LCORL: variants seen among roughly 807,000 people sequenced by gnomAD.
LCORL encodes the protein ligand-dependent nuclear receptor corepressor-like protein.
In LCORL, 41 loss-of-function variants were observed where a neutral mutation model predicts 141.8. The observed-to-expected ratio is 0.29, with a 90% confidence interval of 0.23 to 0.38. LCORL has a LOEUF of 0.38. LCORL is among the 10% of genes least tolerant of loss of function. The probability of loss-of-function intolerance (pLI) is 1.00; values close to 1 mark genes in which losing one functional copy is unlikely to be tolerated. For missense variants in LCORL, 1,759 were observed against 2,035.0 expected (o/e 0.86, Z 2.61); for synonymous variants, 618 against 694.1 (o/e 0.89, Z 1.72).
chr4:17,937,798 C>T (rs1737110678), intron 4 of LCORL, among the ~76,000 whole-genome samples: 1 of 152,022 alleles, frequency 6.6e-6, no homozygotes, highest in Non-Finnish European at 1.5e-5. Context: ...CAAACAAAAA[C>T]AGGAACTAAA....
chr4:17,890,063 T>C (rs1216467305), intron 5 of LCORL, among the ~76,000 whole-genome samples: 1 of 152,082 alleles, frequency 6.6e-6, no homozygotes, highest in African/African-American at 2.4e-5. Context: ...TACACTGTAA[T>C]TTATTCCCCA....
chr4:17,845,969 G>T (rs930184475), intron 7 of LCORL, 68 bp from the exon 8 acceptor site: 1 of 1,324,102 alleles, frequency 7.6e-7, no homozygotes, highest in Non-Finnish European at 1.1e-6. Context: ...CCTTGTAAAA[G>T]AACATTTAGT....
At chr4:18,003,132 A>G (rs16896239) in intron 1 of LCORL, among the ~76,000 whole-genome samples, 2,004 of 152,288 alleles carry the variant, frequency 0.013, 40 homozygotes, top group African/African-American at 0.045. Flanking sequence ...GAATATATCC[A>G]TATCTCCGTG....
At chr4:17,980,426 G>A (rs1717760772) in intron 1 of LCORL, among the ~76,000 whole-genome samples, 1 of 152,114 alleles carries the variant, frequency 6.6e-6, no homozygotes, top group Non-Finnish European at 1.5e-5. Context: ...ACAGCTTAAC[G>A]TAAAGACAAT....
At chr4:17,915,142 G>C (rs528381555) in intron 4 of LCORL, among the ~76,000 whole-genome samples, 1 of 150,058 alleles carries the variant, frequency 6.7e-6, no homozygotes, top group South Asian at 2.1e-4. Context: ...CCCTTCATTT[G>C]TCTATCCCTT....
chr4:17,879,529 T>C (rs1727292120), intron 6 of LCORL, among the ~76,000 whole-genome samples: 1 of 151,216 alleles, frequency 6.6e-6, no homozygotes, highest in Non-Finnish European at 1.5e-5. Flanking sequence ...AGATAGGACA[T>C]GACCCCAGTA....
intron 4 of LCORL, among the ~76,000 whole-genome samples, chr4:17,952,921 T>C (rs1485798864): frequency 3.3e-5 from 5 of 152,076 alleles, no homozygotes; most frequent in Non-Finnish European, 7.4e-5. Context: ...CCCCAGTGTC[T>C]ATGGTTCTCC....
chr4:17,847,443 A>G (rs1013776016), intron 7 of LCORL, among the ~76,000 whole-genome samples: 1 of 152,222 alleles, frequency 6.6e-6, no homozygotes, highest in Non-Finnish European at 1.5e-5. Context: ...CACCACTAAC[A>G]TATCTAACTG....
At chr4:17,888,461 C>T (rs1294023108) in intron 5 of LCORL, among the ~76,000 whole-genome samples, 1 of 152,156 alleles carries the variant, frequency 6.6e-6, no homozygotes, top group Admixed American at 6.6e-5. Flanking sequence ...GCCTCTCAAA[C>T]TGCAGTACAT....
intron 7 of LCORL, 149 bp downstream of exon 7, chr4:17,873,239 C>T: frequency 2.3e-6 from 1 of 439,026 alleles, no homozygotes; most frequent in Non-Finnish European, 3.8e-6. Context: ...CACCTAATTT[C>T]ACGAGTTTCA....
At chr4:18,003,937 C>G (rs1326056180) in intron 1 of LCORL, among the ~76,000 whole-genome samples, 1 of 152,224 alleles carries the variant, frequency 6.6e-6, no homozygotes, top group East Asian at 1.9e-4. Flanking sequence ...GTGCACCACA[C>G]ACACCAATAA....
intron 1 of LCORL, among the ~76,000 whole-genome samples, chr4:17,976,796 T>C (rs1717074975): frequency 6.6e-6 from 1 of 152,176 alleles, no homozygotes; most frequent in Admixed American, 6.5e-5. Flanking sequence ...CACCGTCTAG[T>C]GGTTTGCATA....
exon 7 of LCORL, chr4:17,875,222 A>C (rs1443038880): frequency 5.7e-6 from 7 of 1,231,690 alleles, no homozygotes; most frequent in Non-Finnish European, 7.1e-6. Flanking sequence ...CAGATATGCC[A>C]GAGATTTTCA....
chr4:17,850,575 A>G (rs1447385943), intron 7 of LCORL, among the ~76,000 whole-genome samples: 2 of 152,192 alleles, frequency 1.3e-5, no homozygotes, highest in African/African-American at 4.8e-5. Flanking sequence ...AAACCAGAAT[A>G]AGATACCATC....
intron 4 of LCORL, among the ~76,000 whole-genome samples, chr4:17,937,219 T>C (rs1293470295): frequency 6.6e-6 from 1 of 152,150 alleles, no homozygotes; most frequent in Admixed American, 6.5e-5. Context: ...TTTGCCAACA[T>C]TCTATTGCAA....
At chr4:18,013,311 CTA>C in intron 1 of LCORL, among the ~76,000 whole-genome samples, 1 of 152,222 alleles carries the variant, frequency 6.6e-6, no homozygotes, top group Non-Finnish European at 1.5e-5. Flanking sequence ...ACTATCTAAA[CTA>C]TCTCTGATAT....
At chr4:17,953,062 C>A (rs1391161285) in intron 4 of LCORL, among the ~76,000 whole-genome samples, 1 of 152,066 alleles carries the variant, frequency 6.6e-6, no homozygotes, top group Admixed American at 6.6e-5. Flanking sequence ...CATGTTGCTG[C>A]AAAGGACATG....
intron 7 of LCORL, among the ~76,000 whole-genome samples, chr4:17,864,182 G>A (rs1725343098): frequency 6.6e-6 from 1 of 152,110 alleles, no homozygotes; most frequent in Admixed American, 6.5e-5. Flanking sequence ...ATTATTTGAA[G>A]GTAGAACCCT....
intron 7 of LCORL, among the ~76,000 whole-genome samples, chr4:17,850,527 A>C (rs1269010974): frequency 2.0e-5 from 3 of 152,228 alleles, no homozygotes; most frequent in East Asian, 3.8e-4. Flanking sequence ...ACATCAAAAA[A>C]TGCTCACCAT....
Sources: allele counts gnomAD v4.1 joint callset (sites outside exome capture counted in the v4.1 genomes callset), GRCh38; gene constraint gnomAD v4.1.1; transcripts MANE v1.5; gene names NCBI Gene and HGNC (gene_info 2026-07-23, HGNC 2026-07-21).